SETX: variants seen among roughly 807,000 people sequenced by gnomAD.
SETX encodes the protein helicase senataxin.
A neutral mutation model predicts 227.2 loss-of-function variants in SETX; 90 were observed. The ratio of observed to expected loss-of-function variants is 0.40; its 90% confidence interval spans 0.33 to 0.47. SETX has a LOEUF of 0.47. Among genes scored for constraint, SETX ranks in the 20% least tolerant of loss-of-function variants. The probability of loss-of-function intolerance (pLI) is 0.91; values close to 1 mark genes in which losing one functional copy is unlikely to be tolerated. For missense variants in SETX, 3,052 were observed against 3,181.5 expected, an observed-to-expected ratio of 0.96 and a Z score of 0.98; for synonymous variants, 1,210 against 1,113.2, an observed-to-expected ratio of 1.09 and a Z score of -1.73.
chr9:132,339,947 T>C (rs1847859580), intron 5 of SETX, among the ~76,000 whole-genome samples: 1 of 152,174 alleles, frequency 6.6e-6, no homozygotes, highest in African/African-American at 2.4e-5. Flanking sequence ...CTGATTTTTA[T>C]TTTTCTCTTT....
In SETX at chr9:132,261,936, C is replaced by G. The variant is rs1221965010; in HGVS notation, c.*2303G>C. 6.5e-6 allele frequency: 1 copy of G among 154,450 alleles called. No individual in the cohort carries two copies. Among genetic ancestry groups the G allele is most frequent in the Non-Finnish European group, 1.5e-5 (1 of 68,230 alleles). The allele number at this position is 154,450 out of a possible 1,614,324, so 9.6% of individuals were successfully genotyped here. ...TAAAAAGAATAGCCCTGTTCAACAACGCTGCGCTGACAGCCACATCAGGAG... is the reference window on the plus strand; with the variant it reads ...TAAAAAGAATAGCCCTGTTCAACAAGGCTGCGCTGACAGCCACATCAGGAG... On this transcript the variant is annotated 3_prime_UTR_variant, in exon 26 of 26. Coordinates refer to ENST00000224140, the MANE Select transcript of SETX (RefSeq NM_015046.7).
chr9:132,308,334 C>T (rs1589694680), intron 11 of SETX, among the ~76,000 whole-genome samples: 1 of 152,138 alleles, frequency 6.6e-6, no homozygotes, highest in Non-Finnish European at 1.5e-5. Context: ...AGGAAACACA[C>T]AGAGGACAGA....
intron 11 of SETX, among the ~76,000 whole-genome samples, chr9:132,308,285 T>G (rs895689911): frequency 2.6e-5 from 4 of 152,204 alleles, no homozygotes; most frequent in African/African-American, 9.6e-5. Flanking sequence ...AAAATTTACC[T>G]GAATTGGATC....
chr9:132,334,216 C>T (rs1847446266), intron 7 of SETX, among the ~76,000 whole-genome samples: 1 of 152,214 alleles, frequency 6.6e-6, no homozygotes, highest in South Asian at 2.1e-4. Context: ...GAGGCCAAGG[C>T]AGGCAGATCA....
Position 132,314,918 on chromosome 9 carries a change from T to G in SETX, c.5275-3062A>C, listed in dbSNP as rs1315199205. Among the ~76,000 whole-genome samples the G allele has an allele frequency of 2.8e-5, 4 of 141,124 alleles. No individual in the cohort carries two copies. The East Asian group carries it at 8.1e-4, about 29-fold the overall frequency. 92.6% of individuals were successfully genotyped at this position (141,124 alleles called of 152,430 possible). On this transcript the variant is annotated intron_variant, in intron 10 of 25. Coordinates refer to ENST00000224140, the MANE Select transcript of SETX (RefSeq NM_015046.7). Reference sequence around the variant, plus strand: ...ATTATTTTATTGTGTTTTTTTTTTTTTTTTTTTTTTTGGAGACAGGGTCTT... The same window carrying G: ...ATTATTTTATTGTGTTTTTTTTTTTGTTTTTTTTTTTGGAGACAGGGTCTT...
At chr9:132,313,897 A>G (rs747706616) in intron 10 of SETX, among the ~76,000 whole-genome samples, 4 of 149,908 alleles carry the variant, frequency 2.7e-5, no homozygotes, top group Non-Finnish European at 5.9e-5. Context: ...CTGAACAGAG[A>G]TGAATATACA....
rs1245237670 is a variant in SETX at position 132,275,186 on chromosome 9, C to T, written c.7100+70G>A. ...ACCACTCCTTAAGAGTTTCCCTTTT[C>T]TTCTTTCCTTCTATATCCTCTCATT... On this transcript the variant is annotated intron_variant, in intron 23 of 25. Coordinates refer to ENST00000224140, the MANE Select transcript of SETX (RefSeq NM_015046.7). 3.3e-6 allele frequency: 5 copies of T among 1,527,668 alleles called. No individual in the cohort carries two copies. In the East Asian group the frequency reaches 1.1e-4, roughly 34 times the overall value. The allele number at this position is 1,527,668 out of a possible 1,614,324, so 94.6% of individuals were successfully genotyped here.
chr9:132,299,580 G>A (rs1170947039), intron 12 of SETX, among the ~76,000 whole-genome samples: 2 of 152,054 alleles, frequency 1.3e-5, no homozygotes, highest in African/African-American at 4.8e-5. Flanking sequence ...CATGCAAAAA[G>A]GAGAAGGAAT....
At chr9:132,354,646 C>T (rs1848806673) in intron 1 of SETX, among the ~76,000 whole-genome samples, 1 of 152,134 alleles carries the variant, frequency 6.6e-6, no homozygotes, top group Non-Finnish European at 1.5e-5. Context: ...CCAAAAACAG[C>T]TCACACGAGA....
intron 3 of SETX, among the ~76,000 whole-genome samples, chr9:132,348,418 A>T (rs1049784368): frequency 6.6e-6 from 1 of 151,530 alleles, no homozygotes; most frequent in Non-Finnish European, 1.5e-5. Context: ...CAGGCCATTC[A>T]GATACTCAGA....
chr9:132,288,538 T>C lies in SETX; in HGVS notation c.6208+12A>G. The C allele has an allele frequency of 1.3e-6, 2 of 1,587,366 alleles. No individual in the cohort carries two copies. The highest frequency in any genetic ancestry group is 1.7e-5 in the Admixed American group (1 of 59,986). ...AGAGAAAACACTAGTATATACCACA[T>C]TCAGTACTTACTCATTCTGTGGTTT... On this transcript the variant is annotated intron_variant, in intron 16 of 25. Coordinates refer to ENST00000224140, the MANE Select transcript of SETX (RefSeq NM_015046.7).
chr9:132,340,290 C>T (rs1847881587), intron 5 of SETX, among the ~76,000 whole-genome samples: 1 of 152,190 alleles, frequency 6.6e-6, no homozygotes, highest in African/African-American at 2.4e-5. Flanking sequence ...TCTCATTTCA[C>T]ATTAGTATCT....
In SETX at chr9:132,288,192, C is replaced by A. The variant is rs751270582; in HGVS notation, c.6324+44G>T. 4.0e-6 allele frequency: 6 copies of A among 1,507,584 alleles called. No homozygotes were observed. The South Asian group carries it at 5.7e-5, about 14-fold the overall frequency. 93.4% of individuals were successfully genotyped at this position (1,507,584 alleles called of 1,614,324 possible). A position where few individuals can be genotyped will look rare whatever the true frequency, so the allele number is the denominator to read the frequency against. ...CTCTGTCTCAAAAAAAACTTGTTAA[C>A]TAGTTCGTATACCTGAGTTATTATT... On this transcript the variant is annotated intron_variant, in intron 17 of 25. Coordinates refer to ENST00000224140, the MANE Select transcript of SETX (RefSeq NM_015046.7).
In SETX at chr9:132,282,099, T is replaced by TA. The variant is rs796306023; in HGVS notation, c.6547-526dup. On this transcript the variant is annotated intron_variant, in intron 19 of 25. Coordinates refer to ENST00000224140, the MANE Select transcript of SETX (RefSeq NM_015046.7). Reference sequence around the variant, plus strand: ...AAAAAGTAAACTCTCCAAACATGTCTAAAAAAAAAATCAAACTTGTATTTT... The same window carrying TA: ...AAAAAGTAAACTCTCCAAACATGTCTAAAAAAAAAAATCAAACTTGTATTTT... Among the ~76,000 whole-genome samples, 1,028 of 145,690 alleles carry TA rather than the reference T, an allele frequency of 7.1e-3. 16 individuals carry two copies. Among genetic ancestry groups the TA allele is most frequent in the African/African-American group, 0.018 (733 of 39,686 alleles).
At chr9:132,308,087 T>C (rs530098532) in intron 11 of SETX, among the ~76,000 whole-genome samples, 17 of 152,186 alleles carry the variant, frequency 1.1e-4, no homozygotes, top group Non-Finnish European at 2.4e-4. Flanking sequence ...TAGAGAATTT[T>C]CTCTCTAGAG....
Position 132,264,541 on chromosome 9 carries a change from G to A in SETX, c.7732C>T (p.Pro2578Ser). ...ATPPTGEPGF[P>S]VVHQDLSHIQ... Reference sequence around the variant, plus strand: ...TGGCTCAGGTCCTGGTGAACGACAGGGAAGCCCGGCTCGCCCGTAGGAGGT... The same window carrying A: ...TGGCTCAGGTCCTGGTGAACGACAGAGAAGCCCGGCTCGCCCGTAGGAGGT... The change falls in exon 26 of 26, where the codon CCT becomes TCT. Residue 2578 changes from proline to serine, a missense_variant. Physicochemically the swap from Pro to Ser is moderately conservative, Grantham distance 74. Around this residue, in one of 10 missense-constraint regions of SETX, gnomAD observed 294 missense variants for 278.8 expected, o/e 1.05. Coordinates refer to ENST00000224140, the MANE Select transcript of SETX (RefSeq NM_015046.7). The A allele has an allele frequency of 6.2e-7, 1 of 1,614,020 alleles. No individual in the cohort carries two copies. Among genetic ancestry groups the A allele is most frequent in the Non-Finnish European group, 8.5e-7 (1 of 1,179,996 alleles).
intron 2 of SETX, among the ~76,000 whole-genome samples, chr9:132,353,057 C>T (rs1848684044): frequency 6.6e-6 from 1 of 152,284 alleles, no homozygotes; most frequent in East Asian, 1.9e-4. Context: ...CTTCTTTGAT[C>T]GCCATCAATT....
intron 25 of SETX, among the ~76,000 whole-genome samples, chr9:132,268,349 A>G (rs568222098): frequency 1.1e-4 from 16 of 152,340 alleles, no homozygotes; most frequent in African/African-American, 3.6e-4. Flanking sequence ...TTTCTCTACT[A>G]AAAGTACAAA....
intron 15 of SETX, among the ~76,000 whole-genome samples, chr9:132,292,679 G>T (rs1407234526): frequency 6.8e-6 from 1 of 147,280 alleles, no homozygotes; most frequent in Non-Finnish European, 1.5e-5. Flanking sequence ...ACCCAGGCTG[G>T]AGTGCAGTGG....
Sources: gnomAD v4.1 joint callset for allele counts (sites outside exome capture counted in the v4.1 genomes callset) on GRCh38, gnomAD v4.1.1 for gene constraint, gnomAD v4.1.1 regional missense constraint, MANE v1.5 for transcripts, NCBI Gene and HGNC (gene_info 2026-07-23, HGNC 2026-07-21) for gene names.